Variants in ANK1 observed in about 807,000 individuals in gnomAD.
ANK1 encodes the protein ankyrin 1, also known as ankyrin-1.
ANK1 carries 51 observed loss-of-function variants against 210.4 expected under a neutral mutation model. The ratio of observed to expected loss-of-function variants is 0.24; its 90% confidence interval spans 0.19 to 0.31. ANK1 has a LOEUF of 0.31. ANK1 is among the 10% of genes least tolerant of loss of function. The probability of loss-of-function intolerance (pLI) is 1.00; values close to 1 mark genes in which losing one functional copy is unlikely to be tolerated. For missense variants in ANK1, 2,051 were observed against 2,504.4 expected, an observed-to-expected ratio of 0.82 and a Z score of 3.86; for synonymous variants, 967 against 1,025.9, an observed-to-expected ratio of 0.94 and a Z score of 1.10.
In ANK1 at chr8:41,673,557, G is replaced by T. The variant is rs544132686; in HGVS notation, c.4538-645C>A. On this transcript the variant is annotated intron_variant, in intron 37 of 42. Coordinates refer to ENST00000289734, the MANE Select transcript of ANK1 (RefSeq NM_000037.4). ...CCTATTGGTTCCAGAAACTCTGCAT[G>T]ATCTAAAGTGCTACAGGGGAGGGCT... is the stretch of plus-strand genomic sequence containing the variant. Among the ~76,000 whole-genome samples the T allele has an allele frequency of 2.6e-5, 4 of 152,132 alleles. No homozygotes were observed. In the East Asian group the frequency reaches 7.7e-4, roughly 29 times the overall value.
intron 1 of ANK1, among the ~76,000 whole-genome samples, chr8:41,782,607 C>T (rs9650332): frequency 0.29 from 43,523 of 152,090 alleles, 7,328 homozygotes; most frequent in South Asian, 0.37. Context: ...CCAGAAAGGA[C>T]GGGGCCGCCT....
intron 34 of ANK1, 24 bp downstream of exon 34, chr8:41,688,487 T>A: frequency 6.2e-7 from 1 of 1,610,582 alleles, no homozygotes; most frequent in Non-Finnish European, 8.5e-7. Flanking sequence ...GGAGCAAGCA[T>A]GCATCATCAC....
At chr8:41,880,789 G>T (rs1817451626) in intron 1 of ANK1, among the ~76,000 whole-genome samples, 1 of 152,246 alleles carries the variant, frequency 6.6e-6, no homozygotes, top group Non-Finnish European at 1.5e-5. Context: ...TCCCTGGCAG[G>T]CTTCTCCCCC....
chr8:41,723,173 G>C lies in ANK1; in HGVS notation c.861C>G (p.Ile287Met), dbSNP rs761463161. 3.7e-6 allele frequency: 6 copies of C among 1,614,082 alleles called. No homozygotes were observed. Among genetic ancestry groups the C allele is most frequent in the Middle Eastern group, 1.6e-4 (1 of 6,084 alleles). Residue 287 changes from isoleucine (I) to methionine (M), a missense_variant, in exon 9 of 43, where the codon ATC (isoleucine) becomes ATG (methionine). Ile to Met is a conservative substitution (Grantham distance 10). Around this residue, in one of 6 missense-constraint regions of ANK1, gnomAD observed 1,413 missense variants for 1,707.4 expected, o/e 0.83. Coordinates refer to ENST00000289734, the MANE Select transcript of ANK1 (RefSeq NM_000037.4). The part of the protein sequence containing the change: ...HCAARNGHVR[I>M]SEILLDHGAP... ...CCCCGTGGTCCAGCAGGATCTCTGA[G>C]ATTCGCACGTGCCCATTTCGAGCTG...
At chr8:41,660,324 G>C (rs367568025) in intron 42 of ANK1, 11 of 435,512 alleles carry the variant, frequency 2.5e-5, no homozygotes, top group East Asian at 1.4e-4. Flanking sequence ...CAGAAAGCTA[G>C]AGCCTCCTTG....
intron 1 of ANK1, among the ~76,000 whole-genome samples, chr8:41,881,965 G>A (rs1376378105): frequency 6.6e-6 from 1 of 152,136 alleles, no homozygotes; most frequent in Non-Finnish European, 1.5e-5. Context: ...CTAGTAGCTG[G>A]GTGGGCAGTT....
intron 1 of ANK1, among the ~76,000 whole-genome samples, chr8:41,804,967 G>C (rs1309121595): frequency 2.0e-5 from 3 of 152,122 alleles, no homozygotes; most frequent in Admixed American, 2.0e-4. Context: ...GGTAAACTTA[G>C]AGAATAGTGT....
intron 1 of ANK1, among the ~76,000 whole-genome samples, chr8:41,847,565 C>T (rs1810300640): frequency 6.6e-6 from 1 of 152,176 alleles, no homozygotes; most frequent in African/African-American, 2.4e-5. Context: ...ATATAAGCAT[C>T]ACCTCATTCA....
Position 41,686,240 on chromosome 8 carries a change from C to G in ANK1, c.4302G>C (p.Arg1434Ser), listed in dbSNP as rs775681777. 1.3e-5 allele frequency: 21 copies of G among 1,613,988 alleles called. No individual in the cohort carries two copies. In the South Asian group the frequency reaches 2.3e-4, roughly 18 times the overall value. The change falls in exon 36 of 43, where the codon AGG becomes AGC. Residue 1434 changes from arginine to serine, a missense_variant. Arg to Ser is a moderately radical substitution (Grantham distance 110). Coordinates refer to ENST00000289734, the MANE Select transcript of ANK1 (RefSeq NM_000037.4). ...ELQFSVEDIN[R>S]IRVENPNSLL... Reference sequence around the variant, plus strand: ...GGGAGTTGGGATTTTCCACTCGGATCCTGTTGATGTCTTCCACACTGAACT... The same window carrying G: ...GGGAGTTGGGATTTTCCACTCGGATGCTGTTGATGTCTTCCACACTGAACT...
rs78584184 is a variant in ANK1, at chr8:41,795,646, G to A, written c.27+1866C>T. Reference sequence around the variant, plus strand: ...GGTCATTATGCTAAGTGAAATAAGCGAGGCACAGAAAGACAAATACTGAAT... The same window carrying A: ...GGTCATTATGCTAAGTGAAATAAGCAAGGCACAGAAAGACAAATACTGAAT... On this transcript the variant is annotated intron_variant, in intron 1 of 42. Coordinates refer to ENST00000289734, the MANE Select transcript of ANK1 (RefSeq NM_000037.4). 1.0e-3 allele frequency among the ~76,000 whole-genome samples: 153 copies of A among 152,112 alleles called. 2 individuals carry two copies. The East Asian group carries it at 0.028, about 28-fold the overall frequency.
rs766646963 is a variant in ANK1 at position 41,693,888 on chromosome 8, C to A, written c.3532+10G>T. 2.0e-5 allele frequency: 32 copies of A among 1,598,792 alleles called. No individual in the cohort carries two copies. The highest frequency in any genetic ancestry group is 8.0e-5 in the African/African-American group (6 of 74,596). ...GCCGAGAACAGAAGCGAGGCAGGGGCCCCTCTCACCAATGACGCTGCAAAG... is the reference window on the plus strand; with the variant it reads ...GCCGAGAACAGAAGCGAGGCAGGGGACCCTCTCACCAATGACGCTGCAAAG... On this transcript the variant is annotated intron_variant, in intron 29 of 42. Transcript: ENST00000289734.
At chr8:41,836,748 A>AT (rs1279931601) in intron 1 of ANK1, among the ~76,000 whole-genome samples, 1 of 151,932 alleles carries the variant, frequency 6.6e-6, no homozygotes, top group Non-Finnish European at 1.5e-5. Context: ...TCCTGTCTCT[A>AT]TAAAAAAAAA....
intron 1 of ANK1, among the ~76,000 whole-genome samples, chr8:41,866,912 G>A (rs1022478914): frequency 1.9e-4 from 29 of 152,204 alleles, no homozygotes; most frequent in Admixed American, 7.9e-4. Context: ...AGTCTGCAGC[G>A]AACATGGGTG....
intron 1 of ANK1, among the ~76,000 whole-genome samples, chr8:41,834,251 G>A (rs1345841907): frequency 6.6e-6 from 1 of 152,220 alleles, no homozygotes; most frequent in Non-Finnish European, 1.5e-5. Context: ...CATGGCCACG[G>A]GGCAGAAAGC....
chr8:41,727,432 G>T (rs1437319420), intron 4 of ANK1, 84 bp from the exon 5 acceptor site: 14 of 958,514 alleles, frequency 1.5e-5, no homozygotes, highest in Non-Finnish European at 2.3e-5. Context: ...TCACCTGGAG[G>T]ACAGCGCTCT....
chr8:41,822,064 AAGAGAGAG>A (rs10605195), intron 1 of ANK1, among the ~76,000 whole-genome samples: 1,162 of 35,990 alleles, frequency 0.032, 11 homozygotes, highest in East Asian at 0.062. Context: ...GAAAGAAAGA[AAGAGAGAG>A]AGAGAGAGAG....
chr8:41,812,862 A>T (rs1435798097), intron 1 of ANK1, among the ~76,000 whole-genome samples: 1 of 152,194 alleles, frequency 6.6e-6, no homozygotes, highest in African/African-American at 2.4e-5. Context: ...AATCTGATGC[A>T]TTCGCTGACC....
At chr8:41,703,442 A>ATATATATATATATATATATC (rs1823512500) in intron 20 of ANK1, among the ~76,000 whole-genome samples, 1 of 66,614 alleles carries the variant, frequency 1.5e-5, no homozygotes, top group Non-Finnish European at 2.8e-5. Flanking sequence ...ATATATATAT[A>ATATATATATATATATATATC]TATATATATT....
At chr8:41,699,344 G>A (rs1257015024) in intron 23 of ANK1, 108 bp downstream of exon 23, 15 of 1,039,366 alleles carry the variant, frequency 1.4e-5, no homozygotes, top group Admixed American at 1.2e-4. Flanking sequence ...TGCGGGCAGC[G>A]AGCCCAGCGC....
Sources: gnomAD v4.1 joint callset for allele counts (sites outside exome capture counted in the v4.1 genomes callset) on GRCh38, gnomAD v4.1.1 for gene constraint, gnomAD v4.1.1 regional missense constraint, MANE v1.5 for transcripts, NCBI Gene and HGNC (gene_info 2026-07-23, HGNC 2026-07-21) for gene names.